The following LARGE1 variants were observed in gnomAD, a reference collection of about 807,000 sequenced individuals.
LARGE1 encodes LARGE xylosyl- and glucuronyltransferase 1, also known as xylosyl- and glucuronyltransferase LARGE1.
A neutral mutation model predicts 87.6 loss-of-function variants in LARGE1; 43 were observed. The observed-to-expected ratio is 0.49, with a 90% confidence interval of 0.38 to 0.63. The LOEUF (loss-of-function observed/expected upper bound fraction) is 0.63. Among genes scored for constraint, LARGE1 ranks in the 30% least tolerant of loss-of-function variants. The pLI is 0.00. For missense variants in LARGE1, 802 were observed against 1,000.2 expected (o/e 0.80, Z 2.67); for synonymous variants, 434 against 394.6 (o/e 1.10, Z -1.18).
At chr22:33,131,033 CAAAAAA>C in the LARGE1 span, among the ~76,000 whole-genome samples, 126 of 70,918 alleles carry the variant, frequency 1.8e-3, 3 homozygotes, top group African/African-American at 5.9e-3. Context: ...GACTCCGTCT[CAAAAAA>C]AAAAAAAAAA....
At chr22:33,327,620 G>A (rs1040200549) in intron 10 of LARGE1, among the ~76,000 whole-genome samples, 3 of 152,214 alleles carry the variant, frequency 2.0e-5, no homozygotes, top group Admixed American at 1.3e-4. Context: ...TGGTGGTGCC[G>A]TCTCGATTCA....
chr22:33,351,073 G>A (rs966930515), intron 9 of LARGE1, among the ~76,000 whole-genome samples: 2 of 152,214 alleles, frequency 1.3e-5, no homozygotes, highest in Non-Finnish European at 2.9e-5. Flanking sequence ...GTTTTCTTGT[G>A]TGATAGCTGT....
At chr22:33,234,846 A>G (rs1926174698) in intron 11 of LARGE1, among the ~76,000 whole-genome samples, 1 of 152,116 alleles carries the variant, frequency 6.6e-6, no homozygotes, top group Non-Finnish European at 1.5e-5. Context: ...CTAAATAAGC[A>G]AGTTCTAATA....
intron 1 of LARGE1, among the ~76,000 whole-genome samples, chr22:33,862,549 T>C (rs1283809631): frequency 6.6e-6 from 1 of 152,156 alleles, no homozygotes; most frequent in Non-Finnish European, 1.5e-5. Context: ...TGAGTGGGTG[T>C]ACCTGACACT....
chr22:33,319,242 G>A (rs1478344073), intron 10 of LARGE1, among the ~76,000 whole-genome samples: 2 of 152,096 alleles, frequency 1.3e-5, no homozygotes, highest in African/African-American at 4.8e-5. Context: ...CAGTCTTGAG[G>A]CTAGACCTCA....
At chr22:33,184,642 G>A (rs888736306) in intron 11 of LARGE1, among the ~76,000 whole-genome samples, 1 of 151,938 alleles carries the variant, frequency 6.6e-6, no homozygotes, top group South Asian at 2.1e-4. Context: ...GGAATGAAAA[G>A]ATAAGCTACA....
chr22:33,721,052 G>A (rs117183287), intron 2 of LARGE1, among the ~76,000 whole-genome samples: 50 of 152,322 alleles, frequency 3.3e-4, no homozygotes, highest in Non-Finnish European at 4.7e-4. Context: ...TCCTCTTGAT[G>A]GAAAACAAAG....
At chr22:33,897,038 T>C (rs1164919985) in intron 1 of LARGE1, among the ~76,000 whole-genome samples, 2 of 152,130 alleles carry the variant, frequency 1.3e-5, no homozygotes, top group Non-Finnish European at 2.9e-5. Context: ...CCTGGATTTC[T>C]TCACCCCAAC....
At chr22:33,325,665 G>A (rs900218826) in intron 10 of LARGE1, among the ~76,000 whole-genome samples, 8 of 142,288 alleles carry the variant, frequency 5.6e-5, no homozygotes, top group African/African-American at 1.7e-4. Context: ...GACATAGTAC[G>A]ATGGACCAAT....
Position 33,892,841 on chromosome 22 carries a change from T to C in LARGE1, c.-83+27154A>G, listed in dbSNP as rs536027423. Among the ~76,000 whole-genome samples the C allele has an allele frequency of 2.9e-4, 44 of 152,394 alleles. No individual in the cohort carries two copies. In the Middle Eastern group the frequency reaches 0.014, roughly 47 times the overall value. ...ACAGTGTTATTTTTTCATGGATCTC[T>C]GATTGTGAAATAAATCAATATTCCC... On this transcript the variant is annotated intron_variant, in intron 1 of 14. Transcript: ENST00000397394.
chr22:33,881,811 G>GTGA (rs1464021424), intron 1 of LARGE1, among the ~76,000 whole-genome samples: 2 of 152,326 alleles, frequency 1.3e-5, no homozygotes, highest in South Asian at 4.1e-4. Context: ...CCTTAAGTGA[G>GTGA]TGATCATCTT....
At chr22:33,902,028 G>A (rs1450521186) in intron 1 of LARGE1, among the ~76,000 whole-genome samples, 4 of 152,162 alleles carry the variant, frequency 2.6e-5, no homozygotes, top group African/African-American at 4.8e-5. Flanking sequence ...GTGCAAGAGC[G>A]AGAACAATGA....
chr22:33,191,842 A>G (rs1376223892), intron 11 of LARGE1, among the ~76,000 whole-genome samples: 16 of 152,242 alleles, frequency 1.1e-4, no homozygotes, highest in Non-Finnish European at 5.9e-5. Flanking sequence ...CCAACCATGG[A>G]AACATATTTC....
intron 2 of LARGE1, among the ~76,000 whole-genome samples, chr22:33,698,022 T>A (rs1236040621): frequency 1.4e-4 from 22 of 152,232 alleles, no homozygotes; most frequent in Non-Finnish European, 1.5e-5. Flanking sequence ...GAGAAGGATG[T>A]AATCTGCAGT....
At chr22:33,870,079 T>C (rs1227375799) in intron 1 of LARGE1, among the ~76,000 whole-genome samples, 4 of 152,316 alleles carry the variant, frequency 2.6e-5, no homozygotes, top group Admixed American at 1.3e-4. Flanking sequence ...TCAGTTAAGA[T>C]GAGGTCATAG....
At chr22:33,598,010 C>A (rs1454120856) in intron 5 of LARGE1, among the ~76,000 whole-genome samples, 1 of 152,160 alleles carries the variant, frequency 6.6e-6, no homozygotes, top group Non-Finnish European at 1.5e-5. Flanking sequence ...CCATTCCCAG[C>A]AGGCCTTCCA....
At chr22:33,639,920 AG>A (rs1324624294) in intron 3 of LARGE1, among the ~76,000 whole-genome samples, 2 of 152,350 alleles carry the variant, frequency 1.3e-5, no homozygotes, top group Non-Finnish European at 2.9e-5. Context: ...AAATGATAAG[AG>A]GGCAAAGGGA....
At chr22:33,369,012 T>C (rs2064704545) in intron 9 of LARGE1, among the ~76,000 whole-genome samples, 1 of 152,168 alleles carries the variant, frequency 6.6e-6, no homozygotes, top group African/African-American at 2.4e-5. Context: ...GGCCAATTTC[T>C]TAAAATAAGG....
chr22:33,823,800 T>C (rs1395957706), intron 1 of LARGE1, among the ~76,000 whole-genome samples: 3 of 152,212 alleles, frequency 2.0e-5, no homozygotes, highest in Admixed American at 6.5e-5. Context: ...GATATCTTTG[T>C]TCGAACTGAG....
Sources: allele counts gnomAD v4.1 joint callset (sites outside exome capture counted in the v4.1 genomes callset), GRCh38; gene constraint gnomAD v4.1.1; transcripts MANE v1.5; gene names NCBI Gene and HGNC (gene_info 2026-07-23, HGNC 2026-07-21).